ZDHHC11B: variants seen among roughly 807,000 people sequenced by gnomAD.
ZDHHC11B encodes probable palmitoyltransferase ZDHHC11B.
In ZDHHC11B, 17 loss-of-function variants were observed where a neutral mutation model predicts 42.3. That is an observed-to-expected ratio of 0.40 (90% CI 0.27 to 0.60). The LOEUF (loss-of-function observed/expected upper bound fraction) is 0.60, where lower values mean the gene tolerates loss of function less well. ZDHHC11B is among the 20% of genes least tolerant of loss of function. ZDHHC11B has a pLI of 0.41. For missense variants in ZDHHC11B, 262 were observed against 463.2 expected, an observed-to-expected ratio of 0.57 and a Z score of 3.99; for synonymous variants, 123 against 193.5, an observed-to-expected ratio of 0.64 and a Z score of 3.02.
rs1735440958 is a variant in ZDHHC11B at position 766,697 on chromosome 5, C to T, written c.222+1G>A. ...AGACCATGCCACGATGAAAAGGATACCACATAGGCGATGTATTTCCACGAG... is the reference window on the plus strand; with the variant it reads ...AGACCATGCCACGATGAAAAGGATATCACATAGGCGATGTATTTCCACGAG... On this transcript the variant is annotated splice_donor_variant, in intron 4 of 13. Transcript: ENST00000508859. LOFTEE classifies it high-confidence loss of function. The T allele has an allele frequency of 3.1e-6, 5 of 1,606,010 alleles. No individual in the cohort carries two copies. The highest frequency in any genetic ancestry group is 4.3e-6 in the Non-Finnish European group (5 of 1,175,568).
intron 6 of ZDHHC11B, among the ~76,000 whole-genome samples, chr5:754,678 G>A (rs1328613544): frequency 8.5e-6 from 1 of 117,314 alleles, no homozygotes; most frequent in Non-Finnish European, 1.9e-5. Flanking sequence ...ATGAGCCTCA[G>A]CCTGGGTGGA....
intron 1 of ZDHHC11B, among the ~76,000 whole-genome samples, chr5:774,809 G>T (rs1369389133): frequency 6.6e-6 from 1 of 151,762 alleles, no homozygotes; most frequent in East Asian, 1.9e-4. Flanking sequence ...TGTAACTAGG[G>T]CCTGGGGTCT....
In ZDHHC11B at chr5:733,831, G is replaced by C; in HGVS notation, c.944C>G (p.Ala315Gly). The change falls in exon 11 of 14, where the codon GCC becomes GGC. Residue 315 changes from alanine (A) to glycine (G), a missense_variant. Ala to Gly is a moderately conservative substitution (Grantham distance 60). This residue lies in a region of ZDHHC11B where 75 missense variants were observed against 70.1 expected (regional missense o/e 1.07). Transcript: ENST00000508859. ...ALGSSAQGVKAKSSLLIYKCP... is the reference protein window; with the variant it reads ...ALGSSAQGVKGKSSLLIYKCP... ...TTTGTAAATCAGCAGGGAGCTCTTG[G>C]CCTTGACTCTGGTGGGACAGGAAGG... The C allele has an allele frequency of 6.2e-7, 1 of 1,607,428 alleles. No homozygotes were observed. Among genetic ancestry groups the C allele is most frequent in the Non-Finnish European group, 8.5e-7 (1 of 1,178,506 alleles).
At chr5:733,178 T>G (rs1315942606) in intron 11 of ZDHHC11B, among the ~76,000 whole-genome samples, 2 of 149,038 alleles carry the variant, frequency 1.3e-5, no homozygotes, top group African/African-American at 5.0e-5. Flanking sequence ...GGACACAGAG[T>G]CCATGTAACA....
chr5:724,115 T>A (rs1742385279), intron 12 of ZDHHC11B, among the ~76,000 whole-genome samples: 1 of 151,766 alleles, frequency 6.6e-6, no homozygotes, highest in Non-Finnish European at 1.5e-5. Context: ...TCATCAGTGC[T>A]CCCAGCCATG....
intron 9 of ZDHHC11B, among the ~76,000 whole-genome samples, chr5:744,857 C>T (rs1488415666): frequency 4.1e-5 from 6 of 147,334 alleles, no homozygotes; most frequent in African/African-American, 7.5e-5. Flanking sequence ...GGCAACAGAG[C>T]GAGACTCTGT....
At chr5:757,477 T>C (rs1265654650) in intron 4 of ZDHHC11B, among the ~76,000 whole-genome samples, 29 of 151,998 alleles carry the variant, frequency 1.9e-4, no homozygotes, top group African/African-American at 6.3e-4. Flanking sequence ...TCACTGCTGC[T>C]GGGCTCACCC....
At chr5:715,473 AT>A (rs1165060272) in intron 13 of ZDHHC11B, among the ~76,000 whole-genome samples, 1 of 149,820 alleles carries the variant, frequency 6.7e-6, no homozygotes, top group African/African-American at 2.5e-5. Flanking sequence ...CACTGAGACA[AT>A]TTTTTACAGC....
intron 1 of ZDHHC11B, among the ~76,000 whole-genome samples, chr5:774,237 G>T (rs1205371449): frequency 6.6e-6 from 1 of 152,112 alleles, no homozygotes; most frequent in Non-Finnish European, 1.5e-5. Context: ...ACACTGGACT[G>T]CCCAAAGCCA....
chr5:756,222 G>A, intron 4 of ZDHHC11B, 78 bp from the exon 5 acceptor site: 3 of 1,527,592 alleles, frequency 2.0e-6, no homozygotes, highest in East Asian at 2.4e-5. Context: ...CAAGGTCCCA[G>A]AAGAGGCGTG....
chr5:750,289 A>T (rs1480663054), intron 7 of ZDHHC11B, among the ~76,000 whole-genome samples: 1 of 130,056 alleles, frequency 7.7e-6, no homozygotes, highest in Non-Finnish European at 1.7e-5. Flanking sequence ...CAGGGCTCTG[A>T]CGTCCAGCTG....
chr5:754,424 TG>T (rs1177114588), intron 6 of ZDHHC11B, among the ~76,000 whole-genome samples: 40 of 130,094 alleles, frequency 3.1e-4, no homozygotes, highest in South Asian at 6.6e-4. Context: ...ACCTCTCGCC[TG>T]TGAGCCTCCA....
chr5:772,930 A>T (rs60140725), intron 1 of ZDHHC11B, among the ~76,000 whole-genome samples: 7,083 of 148,718 alleles, frequency 0.048, 183 homozygotes, highest in African/African-American at 0.12. Flanking sequence ...AAATATTTTT[A>T]AAAAAGTTTT....
intron 9 of ZDHHC11B, among the ~76,000 whole-genome samples, chr5:743,868 T>C (rs1400907797): frequency 6.7e-6 from 1 of 149,800 alleles, no homozygotes; most frequent in African/African-American, 2.5e-5. Context: ...CCTGCTGCGC[T>C]GGGCTGGCCG....
At position 711,252 on chromosome 5, in the gene ZDHHC11B, A is replaced by G. The variant is rs1487153577; in HGVS notation, c.*1038T>C. ...TCCCATTTCCCAATACTGTGCTCCC[A>G]TTTCCTAGTGCTGTGAACTCCCATT... On this transcript the variant is annotated 3_prime_UTR_variant, in exon 14 of 14. Transcript: ENST00000508859. 5 of 143,358 alleles carry G rather than the reference A, an allele frequency of 3.5e-5. No homozygotes were observed. The highest frequency in any genetic ancestry group is 1.4e-4 in the African/African-American group (5 of 36,370). The allele number at this position is 143,358 out of a possible 1,614,324, so 8.9% of individuals were successfully genotyped here.
chr5:759,377 TGTC>T (rs1734285933), intron 4 of ZDHHC11B, among the ~76,000 whole-genome samples: 1 of 151,926 alleles, frequency 6.6e-6, no homozygotes, highest in Admixed American at 6.6e-5. Flanking sequence ...GGTCACGTCT[TGTC>T]GTCTTATCAA....
chr5:762,292 G>A (rs1359634644), intron 4 of ZDHHC11B, among the ~76,000 whole-genome samples: 4 of 151,126 alleles, frequency 2.6e-5, no homozygotes, highest in African/African-American at 7.3e-5. Context: ...CAGCCTCAAC[G>A]GCCACTCACA....
intron 6 of ZDHHC11B, among the ~76,000 whole-genome samples, chr5:754,134 G>A (rs1349972774): frequency 9.1e-5 from 12 of 131,584 alleles, no homozygotes; most frequent in Non-Finnish European, 1.4e-4. Context: ...CTGTGCTCAG[G>A]GGAAACACCT....
chr5:713,498 G>T (rs1370995034), intron 13 of ZDHHC11B, among the ~76,000 whole-genome samples: 15 of 152,066 alleles, frequency 9.9e-5, no homozygotes, highest in Middle Eastern at 3.2e-3. Flanking sequence ...ATTTTCACAT[G>T]TGGTGGGTTG....
Sources: gnomAD v4.1 joint callset for allele counts (sites outside exome capture counted in the v4.1 genomes callset) on GRCh38, gnomAD v4.1.1 for gene constraint, gnomAD v4.1.1 regional missense constraint, MANE v1.5 for transcripts, NCBI Gene and HGNC (gene_info 2026-07-23, HGNC 2026-07-21) for gene names.